The following RPS6KC1 variants were observed in gnomAD, a reference collection of about 807,000 sequenced individuals.
The protein encoded by RPS6KC1 is ribosomal protein S6 kinase C1, also known as inactive ribosomal protein S6 kinase delta-1.
A neutral mutation model predicts 103.8 loss-of-function variants in RPS6KC1; 54 were observed. The observed-to-expected ratio is 0.52, with a 90% CI of 0.42 to 0.65. RPS6KC1 has a LOEUF of 0.65. Among genes scored for constraint, RPS6KC1 ranks in the 30% least tolerant of loss-of-function variants. The pLI, the probability that RPS6KC1 is intolerant of heterozygous loss-of-function variation, is 0.00. For missense variants in RPS6KC1, 1,151 were observed against 1,253.8 expected, an observed-to-expected ratio of 0.92 and a Z score of 1.24; for synonymous variants, 439 against 438.7, an observed-to-expected ratio of 1.00 and a Z score of -0.01.
the RPS6KC1 span, among the ~76,000 whole-genome samples, chr1:213,531,079 G>C: frequency 6.6e-6 from 1 of 152,164 alleles, no homozygotes; most frequent in South Asian, 2.1e-4. Context: ...GAGCTGAGGT[G>C]GGGATGGAAT....
At chr1:213,156,665 G>GAC (rs1243380217) in intron 6 of RPS6KC1, among the ~76,000 whole-genome samples, 2 of 152,116 alleles carry the variant, frequency 1.3e-5, no homozygotes, top group Non-Finnish European at 2.9e-5. Context: ...AACAATGTAA[G>GAC]AGAGATGACA....
At chr1:213,794,679 T>C in the RPS6KC1 span, 1 of 152,204 alleles carries the variant, frequency 6.6e-6, no homozygotes, top group African/African-American at 2.4e-5. Context: ...GAGGCTCACC[T>C]GTGTCTGATG....
chr1:213,149,793 T>A (rs2088416245), intron 6 of RPS6KC1, among the ~76,000 whole-genome samples: 1 of 152,250 alleles, frequency 6.6e-6, no homozygotes. Flanking sequence ...TTGTTAGCAC[T>A]AATAATATTT....
At chr1:213,478,454 G>A in the RPS6KC1 span, among the ~76,000 whole-genome samples, 1 of 152,150 alleles carries the variant, frequency 6.6e-6, no homozygotes, top group African/African-American at 2.4e-5. Flanking sequence ...TTCCAAAGTG[G>A]CTGACTGTAC....
the RPS6KC1 span, among the ~76,000 whole-genome samples, chr1:213,598,031 G>A: frequency 2.6e-5 from 4 of 152,096 alleles, no homozygotes; most frequent in South Asian, 4.1e-4. Context: ...TTAGGTTGAC[G>A]CAAAAGTAAT....
chr1:213,797,969 C>T, the RPS6KC1 span, among the ~76,000 whole-genome samples: 1 of 152,298 alleles, frequency 6.6e-6, no homozygotes, highest in South Asian at 2.1e-4. Context: ...AGAGAGGAGG[C>T]CTCTGCCAAT....
downstream of RPS6KC1, among the ~76,000 whole-genome samples, chr1:213,277,604 A>G (rs2095114701): frequency 6.6e-6 from 1 of 152,244 alleles, no homozygotes; most frequent in South Asian, 2.1e-4. Context: ...CGCTATTTCT[A>G]CTATCCCAGG....
chr1:213,494,251 AG>A, the RPS6KC1 span, among the ~76,000 whole-genome samples: 1 of 152,130 alleles, frequency 6.6e-6, no homozygotes, highest in Admixed American at 6.5e-5. Context: ...ACTTTGTTCA[AG>A]GACAAGTAAG....
At chr1:213,702,977 T>A in the RPS6KC1 span, among the ~76,000 whole-genome samples, 2 of 152,160 alleles carry the variant, frequency 1.3e-5, no homozygotes, top group African/African-American at 4.8e-5. Flanking sequence ...TTTTGTTATT[T>A]GTTTCCTGGT....
the RPS6KC1 span, among the ~76,000 whole-genome samples, chr1:213,301,417 C>T: frequency 1.3e-3 from 194 of 152,244 alleles, no homozygotes; most frequent in Non-Finnish European, 2.5e-3. Context: ...GTCAGCCAGT[C>T]GATAAATAGT....
chr1:213,630,189 GT>G, the RPS6KC1 span, among the ~76,000 whole-genome samples: 1 of 152,172 alleles, frequency 6.6e-6, no homozygotes, highest in Non-Finnish European at 1.5e-5. Context: ...TTTCAACTTG[GT>G]TCCATTCTCC....
At chr1:213,853,843 G>T in the RPS6KC1 span, among the ~76,000 whole-genome samples, 2 of 152,130 alleles carry the variant, frequency 1.3e-5, no homozygotes, top group Non-Finnish European at 2.9e-5. Context: ...ACCACATATT[G>T]CCTTAATCCA....
At chr1:213,750,035 G>C in the RPS6KC1 span, among the ~76,000 whole-genome samples, 2 of 152,194 alleles carry the variant, frequency 1.3e-5, no homozygotes, top group African/African-American at 2.4e-5. Context: ...CATATCAAAT[G>C]AAAATAGCTT....
At chr1:213,752,445 C>T in the RPS6KC1 span, among the ~76,000 whole-genome samples, 25 of 152,174 alleles carry the variant, frequency 1.6e-4, no homozygotes, top group Non-Finnish European at 3.2e-4. Context: ...AATCAGTTTG[C>T]CAGCTCTTAA....
the RPS6KC1 span, among the ~76,000 whole-genome samples, chr1:213,591,694 G>A: frequency 6.6e-6 from 1 of 152,188 alleles, no homozygotes; most frequent in East Asian, 1.9e-4. Context: ...AGATTATAAA[G>A]AGGAAGTTTA....
the RPS6KC1 span, among the ~76,000 whole-genome samples, chr1:213,826,420 G>C: frequency 6.6e-6 from 1 of 152,124 alleles, no homozygotes; most frequent in Non-Finnish European, 1.5e-5. Flanking sequence ...GAAAAATCTA[G>C]TCTTTCTCCA....
At chr1:213,153,250 G>A (rs946748906) in intron 6 of RPS6KC1, among the ~76,000 whole-genome samples, 5 of 147,024 alleles carry the variant, frequency 3.4e-5, no homozygotes, top group African/African-American at 1.3e-4. Flanking sequence ...CGTGGGGAGA[G>A]GGAGAGGGAG....
the RPS6KC1 span, among the ~76,000 whole-genome samples, chr1:213,527,381 A>T: frequency 6.6e-6 from 1 of 152,194 alleles, no homozygotes; most frequent in East Asian, 1.9e-4. Context: ...TTTATAGAAC[A>T]AGAAAACTGA....
At chr1:213,376,999 G>A in the RPS6KC1 span, among the ~76,000 whole-genome samples, 2 of 152,186 alleles carry the variant, frequency 1.3e-5, no homozygotes, top group Non-Finnish European at 2.9e-5. Flanking sequence ...CTTGCACTGG[G>A]GACCAAGTAA....
Sources: gnomAD v4.1 joint callset for allele counts (sites outside exome capture counted in the v4.1 genomes callset) on GRCh38, gnomAD v4.1.1 for gene constraint, MANE v1.5 for transcripts, NCBI Gene and HGNC (gene_info 2026-07-23, HGNC 2026-07-21) for gene names.